The following TPH2 variants were observed in gnomAD, a reference collection of about 807,000 sequenced individuals.
TPH2 encodes tryptophan 5-hydroxylase 2.
In TPH2, 27 loss-of-function variants were observed where a neutral mutation model predicts 59.1. The observed-to-expected ratio is 0.46, with a 90% CI of 0.34 to 0.63. The LOEUF (loss-of-function observed/expected upper bound fraction) is 0.63, where lower values mean the gene tolerates loss of function less well. TPH2 is among the 30% of genes least tolerant of loss of function. TPH2 has a pLI of 0.01. For missense variants in TPH2, 523 were observed against 588.3 expected (o/e 0.89, Z 1.15); for synonymous variants, 220 against 210.5 (o/e 1.05, Z -0.39).
chr12:71,944,358 A>C lies in TPH2; in HGVS notation c.320A>C (p.Glu107Ala). The C allele has an allele frequency of 6.2e-7, 1 of 1,613,946 alleles. No homozygotes were observed. Among genetic ancestry groups the C allele is most frequent in the South Asian group, 1.1e-5 (1 of 91,072 alleles). ...TCTCGGCGAAGAAGTTCTGAGGTTG[A>C]AATCTTTGTGGACTGTGAGTGTGGG... ...RKSRRRSSEV[E>A]IFVDCECGKT... is the part of the protein sequence containing the mutation. Residue 107 changes from glutamate (E) to alanine (A), a missense_variant, in exon 3 of 11, where the codon GAA (glutamate) becomes GCA (alanine). Physicochemically the swap from Glu to Ala is moderately radical, Grantham distance 107. Transcript: ENST00000333850.
chr12:72,000,517 A>G (rs1373277615), intron 8 of TPH2, among the ~76,000 whole-genome samples: 2 of 152,198 alleles, frequency 1.3e-5, no homozygotes, highest in Non-Finnish European at 2.9e-5. Flanking sequence ...CAGATCTCAC[A>G]TCATGCTGCT....
intron 1 of TPH2, among the ~76,000 whole-genome samples, chr12:71,939,694 C>T (rs1401596338): frequency 6.6e-6 from 1 of 152,144 alleles, no homozygotes; most frequent in Non-Finnish European, 1.5e-5. Flanking sequence ...GAAAGCAATA[C>T]ACCACTTGCT....
chr12:71,943,428 G>C (rs1871125237), intron 2 of TPH2, among the ~76,000 whole-genome samples: 1 of 152,086 alleles, frequency 6.6e-6, no homozygotes, highest in African/African-American at 2.4e-5. Context: ...AATTAACTTA[G>C]AGGAAATGAA....
At chr12:71,973,526 AT>A in intron 6 of TPH2, among the ~76,000 whole-genome samples, 1 of 152,298 alleles carries the variant, frequency 6.6e-6, no homozygotes, top group South Asian at 2.1e-4. Context: ...AGTTCTGGGA[AT>A]TGCCCACCCC....
At chr12:71,976,195 G>A (rs1005544298) in intron 6 of TPH2, among the ~76,000 whole-genome samples, 5 of 152,160 alleles carry the variant, frequency 3.3e-5, no homozygotes, top group African/African-American at 1.2e-4. Flanking sequence ...ACCTCACAAG[G>A]TGGTTGAGAG....
chr12:71,951,016 G>C (rs1283822530), intron 5 of TPH2, among the ~76,000 whole-genome samples: 1 of 152,094 alleles, frequency 6.6e-6, no homozygotes, highest in African/African-American at 2.4e-5. Context: ...CATGGCACAT[G>C]TCCTTTCACA....
chr12:71,968,297 C>T (rs538017998), intron 5 of TPH2, among the ~76,000 whole-genome samples: 3 of 152,316 alleles, frequency 2.0e-5, no homozygotes, highest in Admixed American at 6.5e-5. Context: ...TTCTTCATGA[C>T]GGTGATGGGG....
At chr12:71,959,994 C>T (rs78623749) in intron 5 of TPH2, among the ~76,000 whole-genome samples, 6,009 of 152,180 alleles carry the variant, frequency 0.039, 404 homozygotes, top group African/African-American at 0.14. Context: ...AATTTTATCC[C>T]ATTCCATTAT....
intron 4 of TPH2, among the ~76,000 whole-genome samples, chr12:71,947,307 C>G (rs2139181708): frequency 6.6e-6 from 1 of 152,078 alleles, no homozygotes; most frequent in South Asian, 2.1e-4. Context: ...TTCTAATATT[C>G]CATCACTGTT....
chr12:71,996,760 G>A (rs1460878750), intron 8 of TPH2, among the ~76,000 whole-genome samples: 1 of 152,112 alleles, frequency 6.6e-6, no homozygotes, highest in Non-Finnish European at 1.5e-5. Flanking sequence ...AAATGGAGGT[G>A]GATCCTCCTT....
At chr12:72,019,711 G>C (rs1014201318) in intron 8 of TPH2, among the ~76,000 whole-genome samples, 4 of 152,188 alleles carry the variant, frequency 2.6e-5, no homozygotes, top group Non-Finnish European at 5.9e-5. Context: ...TGCTTCATGG[G>C]ATCACAGGCT....
intron 6 of TPH2, among the ~76,000 whole-genome samples, chr12:71,977,809 A>C (rs1166974420): frequency 6.6e-6 from 1 of 152,186 alleles, no homozygotes; most frequent in Non-Finnish European, 1.5e-5. Context: ...AATATATACA[A>C]TTTATATTAA....
At chr12:71,968,005 C>T (rs1002888951) in intron 5 of TPH2, among the ~76,000 whole-genome samples, 1 of 152,126 alleles carries the variant, frequency 6.6e-6, no homozygotes, top group East Asian at 1.9e-4. Flanking sequence ...TTTTCCTTCC[C>T]TTCTCTAAGA....
At chr12:72,017,849 G>A (rs1275315030) in intron 8 of TPH2, among the ~76,000 whole-genome samples, 1 of 152,192 alleles carries the variant, frequency 6.6e-6, no homozygotes, top group Non-Finnish European at 1.5e-5. Flanking sequence ...GCAACTCTAA[G>A]TAGGCTTTGC....
intron 7 of TPH2, among the ~76,000 whole-genome samples, chr12:71,984,893 G>C: frequency 6.6e-6 from 1 of 152,226 alleles, no homozygotes; most frequent in East Asian, 1.9e-4. Context: ...CCGAGGGCCA[G>C]TTAAGATGTT....
At position 72,022,494 on chromosome 12, in the gene TPH2, G is replaced by A. The variant is rs1873446494; in HGVS notation, c.1164G>A (p.Lys388=). Residue 388 remains lysine, a splice_region_variant and synonymous_variant, in exon 9 of 11, where the codon AAG becomes AAA. Coordinates refer to ENST00000333850, the MANE Select transcript of TPH2 (RefSeq NM_173353.4). The stretch of plus-strand genomic sequence containing the variant: ...TCCTTTCCTCCATTGGAGAATTAAA[G>A]GTATGAAGCTGTGAATGAAAATACC... ...AGLLSSIGEL[K]HALSDKACVK... 6.2e-7 allele frequency: 1 copy of A among 1,608,828 alleles called. No individual in the cohort carries two copies. Among genetic ancestry groups the A allele is most frequent in the South Asian group, 1.1e-5 (1 of 90,998 alleles).
intron 8 of TPH2, among the ~76,000 whole-genome samples, chr12:72,015,999 A>ACC: frequency 6.6e-6 from 1 of 152,274 alleles, no homozygotes; most frequent in East Asian, 1.9e-4. Flanking sequence ...GTGGCCTTGT[A>ACC]TCCATAAGTG....
At chr12:71,977,901 C>T (rs534148126) in intron 6 of TPH2, among the ~76,000 whole-genome samples, 10 of 152,280 alleles carry the variant, frequency 6.6e-5, no homozygotes, top group Middle Eastern at 3.4e-3. Flanking sequence ...ATATACTGTT[C>T]GGTCAACAAT....
At chr12:71,986,630 C>CTTTTTTTTTTTTTT (rs36018735) in intron 7 of TPH2, among the ~76,000 whole-genome samples, 1 of 131,390 alleles carries the variant, frequency 7.6e-6, no homozygotes, top group Non-Finnish European at 1.6e-5. Context: ...AGCCACCCTT[C>CTTTTTTTTTTTTTT]TTTTTTTTTT....
Sources: allele counts gnomAD v4.1 joint callset (sites outside exome capture counted in the v4.1 genomes callset), GRCh38; gene constraint gnomAD v4.1.1; transcripts MANE v1.5; gene names NCBI Gene and HGNC (gene_info 2026-07-23, HGNC 2026-07-21).